The following UNC79 variants were observed in gnomAD, a reference collection of about 807,000 sequenced individuals.
The protein encoded by UNC79 is unc-79 subunit of NALCN channel complex, also known as protein unc-79 homolog.
UNC79 carries 37 observed loss-of-function variants against 283.1 expected under a neutral mutation model. That is an observed-to-expected ratio of 0.13 (90% confidence interval 0.10 to 0.17). UNC79 has a LOEUF of 0.17. Among genes scored for constraint, UNC79 ranks in the 10% least tolerant of loss-of-function variants. UNC79 has a pLI of 1.00. For synonymous variants in UNC79, 1,107 were observed against 1,200.2 expected (o/e 0.92, Z 1.61); for missense variants, 2,272 against 3,211.1 (o/e 0.71, Z 7.07).
chr14:93,671,517 A>C (rs1023378204), intron 40 of UNC79, among the ~76,000 whole-genome samples: 4 of 152,202 alleles, frequency 2.6e-5, no homozygotes, highest in African/African-American at 9.7e-5. Context: ...TCACACCTGT[A>C]ATCCCAGCAC....
chr14:93,419,109 C>G (rs944658012), intron 1 of UNC79, among the ~76,000 whole-genome samples: 3 of 145,156 alleles, frequency 2.1e-5, no homozygotes, highest in African/African-American at 8.1e-5. Flanking sequence ...CACCCGTCTT[C>G]TGTGTCACGC....
At chr14:93,681,102 CCTT>C (rs2073811105) in intron 41 of UNC79, among the ~76,000 whole-genome samples, 1 of 152,188 alleles carries the variant, frequency 6.6e-6, no homozygotes, top group South Asian at 2.1e-4. Flanking sequence ...CCAGTTGTCC[CCTT>C]CTATGCCAGA....
intron 22 of UNC79, among the ~76,000 whole-genome samples, chr14:93,589,023 A>G (rs2064453178): frequency 1.3e-5 from 2 of 152,298 alleles, no homozygotes; most frequent in South Asian, 2.1e-4. Flanking sequence ...AGATGATGAC[A>G]GACATTGTGT....
In UNC79 at chr14:93,494,862, C is replaced by G. The variant is rs141529772; in HGVS notation, c.713-1549C>G. Among the ~76,000 whole-genome samples the G allele has an allele frequency of 2.0e-5, 3 of 152,268 alleles. No homozygotes were observed. In the East Asian group the frequency reaches 5.8e-4, roughly 29 times the overall value. ...TTAATAGGAAGTCCTGAAGATAGCT[C>G]CACAATATCAGGGGGCTGAGATCTT... On this transcript the variant is annotated intron_variant, in intron 5 of 48. Coordinates refer to ENST00000555664, the Ensembl canonical transcript of UNC79.
At chr14:93,598,540 G>C (rs770886554) in intron 24 of UNC79, among the ~76,000 whole-genome samples, 1 of 152,076 alleles carries the variant, frequency 6.6e-6, no homozygotes, top group Non-Finnish European at 1.5e-5. Context: ...GTTTTGTTTT[G>C]AGATAGAGTC....
At chr14:93,500,268 C>A (rs1251137794) in intron 7 of UNC79, among the ~76,000 whole-genome samples, 2 of 152,172 alleles carry the variant, frequency 1.3e-5, no homozygotes. Context: ...CTTAGCGTAC[C>A]AAGATGTCTC....
At chr14:93,337,775 C>G (rs2053609809) in intron 1 of UNC79, among the ~76,000 whole-genome samples, 1 of 152,168 alleles carries the variant, frequency 6.6e-6, no homozygotes, top group Non-Finnish European at 1.5e-5. Flanking sequence ...CAGGGCTCCC[C>G]AAACTAGGGC....
chr14:93,603,197 G>A (rs2065638770), intron 25 of UNC79, 42 bp from the exon 26 acceptor site: 2 of 1,604,894 alleles, frequency 1.2e-6, no homozygotes, highest in Non-Finnish European at 1.7e-6. Context: ...ACAAAGCCCT[G>A]TGTAAAGGAG....
intron 11 of UNC79, among the ~76,000 whole-genome samples, chr14:93,532,908 A>G (rs2060896546): frequency 6.6e-6 from 1 of 152,172 alleles, no homozygotes; most frequent in African/African-American, 2.4e-5. Context: ...TTAGTTAAGG[A>G]TATATCTTGT....
At position 93,540,663 on chromosome 14, in the gene UNC79, G is replaced by A. The variant is rs746323714; in HGVS notation, c.1356G>A (p.Leu452=). The stretch of plus-strand genomic sequence containing the variant: ...AAATCACACTGCTCTTTGGCAGCTT[G>A]TTGAAAGAAGCCGAGTTCCATGCTG... The change falls in exon 13 of 49, where the codon TTG becomes TTA. Residue 452 remains leucine (L), a synonymous_variant. Coordinates refer to ENST00000555664, the Ensembl canonical transcript of UNC79. 22 of 1,611,662 alleles carry A rather than the reference G, an allele frequency of 1.4e-5. No homozygotes were observed. In the South Asian group the frequency reaches 2.2e-4, roughly 16 times the overall value.
intron 1 of UNC79, among the ~76,000 whole-genome samples, chr14:93,374,238 C>G (rs1169428088): frequency 6.6e-6 from 1 of 152,162 alleles, no homozygotes; most frequent in Non-Finnish European, 1.5e-5. Flanking sequence ...GCAACATCCA[C>G]CTGGGAAAGT....
At chr14:93,375,225 A>G (rs932385937) in intron 1 of UNC79, among the ~76,000 whole-genome samples, 1 of 152,124 alleles carries the variant, frequency 6.6e-6, no homozygotes, top group African/African-American at 2.4e-5. Flanking sequence ...TCTACAAAGA[A>G]TACAAAAATT....
At chr14:93,636,955 TG>T (rs993391722) in intron 31 of UNC79, among the ~76,000 whole-genome samples, 2 of 152,128 alleles carry the variant, frequency 1.3e-5, no homozygotes, top group African/African-American at 4.8e-5. Context: ...GGGGGCAGGG[TG>T]GGGTGCTTGT....
At chr14:93,391,342 T>C (rs1212796154) in intron 1 of UNC79, among the ~76,000 whole-genome samples, 2 of 152,206 alleles carry the variant, frequency 1.3e-5, no homozygotes, top group African/African-American at 2.4e-5. Context: ...CCACGTGGGT[T>C]GTAGGCATGA....
At chr14:93,476,341 A>C (rs577344824) in intron 3 of UNC79, among the ~76,000 whole-genome samples, 1 of 152,276 alleles carries the variant, frequency 6.6e-6, no homozygotes, top group Middle Eastern at 3.4e-3. Context: ...AAAATACTCC[A>C]GTTGGGCTCC....
chr14:93,629,209 A>G (rs573245333), intron 30 of UNC79, among the ~76,000 whole-genome samples: 11 of 152,162 alleles, frequency 7.2e-5, no homozygotes, highest in Non-Finnish European at 1.3e-4. Flanking sequence ...ACACACACTC[A>G]TATACACACA....
chr14:93,596,077 A>G (rs2065058298), intron 23 of UNC79, among the ~76,000 whole-genome samples: 1 of 152,244 alleles, frequency 6.6e-6, no homozygotes, highest in African/African-American at 2.4e-5. Flanking sequence ...GAGATCAAAT[A>G]TAAGCATGTA....
intron 47 of UNC79, among the ~76,000 whole-genome samples, chr14:93,701,653 G>T (rs986273371): frequency 6.6e-6 from 1 of 152,128 alleles, no homozygotes; most frequent in African/African-American, 2.4e-5. Context: ...AAAAGAGAAT[G>T]AAAATGAAAG....
At chr14:93,655,159 C>T in intron 37 of UNC79, 75 bp from the exon 41 acceptor site, 1 of 1,532,932 alleles carries the variant, frequency 6.5e-7, no homozygotes, top group Non-Finnish European at 8.9e-7. Flanking sequence ...GACTTTTAAA[C>T]TGACATTTAC....
Sources: gnomAD v4.1 joint callset for allele counts (sites outside exome capture counted in the v4.1 genomes callset) on GRCh38, gnomAD v4.1.1 for gene constraint, MANE v1.5 for transcripts, NCBI Gene and HGNC (gene_info 2026-07-23, HGNC 2026-07-21) for gene names.